ULK4: variants seen among roughly 807,000 people sequenced by gnomAD.
The protein encoded by ULK4 is inactive serine/threonine-protein kinase ULK4.
Under a neutral mutation model 160.6 loss-of-function variants are expected in ULK4, and 133 were observed. The ratio of observed to expected loss-of-function variants is 0.83; its 90% CI spans 0.72 to 0.96. The LOEUF (loss-of-function observed/expected upper bound fraction) is 0.96. ULK4 is among the 40% of genes least tolerant of loss of function. The pLI is 0.00. For missense variants in ULK4, 1,580 were observed against 1,499.5 expected, an observed-to-expected ratio of 1.05 and a Z score of -0.89; for synonymous variants, 534 against 539.8, an observed-to-expected ratio of 0.99 and a Z score of 0.15.
At chr3:41,362,237 G>T (rs1211735370) in intron 35 of ULK4, among the ~76,000 whole-genome samples, 3 of 152,148 alleles carry the variant, frequency 2.0e-5, no homozygotes, top group African/African-American at 7.2e-5. Context: ...GTGTAGTGTT[G>T]ACTGGAGTAT....
chr3:41,704,681 C>T (rs973221598), intron 27 of ULK4, among the ~76,000 whole-genome samples: 2 of 152,102 alleles, frequency 1.3e-5, no homozygotes, highest in East Asian at 1.9e-4. Context: ...GTCAGGGTTT[C>T]TGCTAAACAT....
chr3:41,336,994 C>T (rs1206318647), intron 35 of ULK4, among the ~76,000 whole-genome samples: 1 of 152,162 alleles, frequency 6.6e-6, no homozygotes, highest in Non-Finnish European at 1.5e-5. Context: ...GTGCAGGTCA[C>T]ATTTTCTCAA....
At chr3:41,577,378 T>C (rs1309624292) in intron 31 of ULK4, among the ~76,000 whole-genome samples, 6 of 152,220 alleles carry the variant, frequency 3.9e-5, no homozygotes, top group Admixed American at 1.3e-4. Flanking sequence ...TATATATTTA[T>C]GGAACATATG....
intron 32 of ULK4, among the ~76,000 whole-genome samples, chr3:41,510,013 C>G (rs1003873214): frequency 2.0e-5 from 3 of 152,206 alleles, no homozygotes; most frequent in Non-Finnish European, 4.4e-5. Context: ...GGCCTAAAGG[C>G]ACCACTTAAA....
chr3:41,761,628 T>C (rs1226192820), intron 21 of ULK4, among the ~76,000 whole-genome samples: 1 of 151,838 alleles, frequency 6.6e-6, no homozygotes, highest in African/African-American at 2.4e-5. Context: ...AGATTAGATA[T>C]TATGGGTAGA....
chr3:41,724,071 A>G (rs1221612447), intron 22 of ULK4, among the ~76,000 whole-genome samples: 4 of 152,250 alleles, frequency 2.6e-5, no homozygotes, highest in African/African-American at 9.6e-5. Flanking sequence ...ACTCTTAATC[A>G]TAAGGAGATC....
In ULK4 at chr3:41,717,653, A is replaced by T. The variant is rs1302609111; in HGVS notation, c.2455+75T>A. The stretch of plus-strand genomic sequence containing the variant: ...AAGAACAGACAAGTAAGAATAAAAA[A>T]GAACTGATGCCTAAAAGCCAAGTCT... On this transcript the variant is annotated intron_variant, in intron 23 of 36. Transcript: ENST00000301831. 1.2e-5 allele frequency: 18 copies of T among 1,539,764 alleles called. No individual in the cohort carries two copies. In the Admixed American group the frequency reaches 3.2e-4, roughly 28 times the overall value.
intron 35 of ULK4, among the ~76,000 whole-genome samples, chr3:41,313,912 G>T (rs181671342): frequency 1.4e-4 from 21 of 152,316 alleles, no homozygotes; most frequent in Non-Finnish European, 2.6e-4. Context: ...CTTCTGCAGG[G>T]CTCTAGAGCT....
chr3:41,828,145 A>G (rs1277610804), intron 18 of ULK4, among the ~76,000 whole-genome samples: 1 of 146,806 alleles, frequency 6.8e-6, no homozygotes, highest in Non-Finnish European at 1.5e-5. Flanking sequence ...GATGAGACCT[A>G]TCTCAAAATA....
intron 17 of ULK4, among the ~76,000 whole-genome samples, chr3:41,836,665 C>A (rs924129843): frequency 2.6e-5 from 4 of 152,180 alleles, no homozygotes; most frequent in Non-Finnish European, 5.9e-5. Context: ...TCCGGCACAA[C>A]ACAGTTTAAA....
At chr3:41,558,703 C>CAA (rs35292019) in intron 32 of ULK4, among the ~76,000 whole-genome samples, 46 of 138,846 alleles carry the variant, frequency 3.3e-4, no homozygotes, top group East Asian at 6.4e-4. Flanking sequence ...GACTCCATCT[C>CAA]AAAAAAAAAA....
chr3:41,267,936 G>A (rs2079072043), intron 35 of ULK4, among the ~76,000 whole-genome samples: 2 of 152,310 alleles, frequency 1.3e-5, no homozygotes, highest in South Asian at 4.1e-4. Flanking sequence ...CCGTGAAATA[G>A]GAGTCCAACT....
chr3:41,504,701 T>C (rs576124465), intron 32 of ULK4, among the ~76,000 whole-genome samples: 4 of 152,332 alleles, frequency 2.6e-5, no homozygotes, highest in Non-Finnish European at 4.4e-5. Flanking sequence ...CCAGTGAATT[T>C]TGTACTATAT....
At chr3:41,739,985 T>TTA (rs1177805067) in intron 22 of ULK4, among the ~76,000 whole-genome samples, 2 of 152,014 alleles carry the variant, frequency 1.3e-5, no homozygotes, top group African/African-American at 4.8e-5. Context: ...AAATTTTATT[T>TTA]ATGATTTTTG....
chr3:41,652,756 T>TG (rs2034792555), intron 30 of ULK4, among the ~76,000 whole-genome samples: 1 of 152,200 alleles, frequency 6.6e-6, no homozygotes, highest in Admixed American at 6.5e-5. Context: ...GAAATTGGAC[T>TG]GTTCTTATAA....
At chr3:41,765,901 C>T (rs1320317434) in intron 21 of ULK4, among the ~76,000 whole-genome samples, 2 of 152,148 alleles carry the variant, frequency 1.3e-5, no homozygotes, top group South Asian at 2.1e-4. Context: ...GATAAAAGGA[C>T]TCTACCACCA....
intron 17 of ULK4, among the ~76,000 whole-genome samples, chr3:41,856,512 A>AATAAAT (rs577040336): frequency 1.0e-5 from 1 of 99,190 alleles, no homozygotes; most frequent in Admixed American, 1.2e-4. Flanking sequence ...TAAATAAATA[A>AATAAAT]ATATATATAT....
intron 29 of ULK4, among the ~76,000 whole-genome samples, chr3:41,674,811 T>C (rs72862168): frequency 0.053 from 8,100 of 152,144 alleles, 708 homozygotes; most frequent in African/African-American, 0.19. Context: ...GAAATACAGG[T>C]ACCTTAACGC....
intron 35 of ULK4, among the ~76,000 whole-genome samples, chr3:41,368,987 A>C (rs1002723272): frequency 1.3e-5 from 2 of 152,174 alleles, no homozygotes; most frequent in Non-Finnish European, 2.9e-5. Context: ...TGGTTCTCTT[A>C]TACTCTTAAA....
Sources: allele counts gnomAD v4.1 joint callset (sites outside exome capture counted in the v4.1 genomes callset), GRCh38; gene constraint gnomAD v4.1.1; transcripts MANE v1.5; gene names NCBI Gene and HGNC (gene_info 2026-07-23, HGNC 2026-07-21).